DEUP1: variants seen among roughly 807,000 people sequenced by gnomAD.
DEUP1 encodes the protein deuterosome assembly protein 1.
In DEUP1, 82 loss-of-function variants were observed where a neutral mutation model predicts 87.4. That is an observed-to-expected ratio of 0.94 (90% CI 0.78 to 1.13). The LOEUF (loss-of-function observed/expected upper bound fraction) is 1.13, where lower values mean the gene tolerates loss of function less well. Among genes scored for constraint, DEUP1 ranks in the 50% most tolerant of loss-of-function variants. The pLI is 0.00. For synonymous variants in DEUP1, 214 were observed against 222.7 expected (o/e 0.96, Z 0.35); for missense variants, 663 against 681.5 (o/e 0.97, Z 0.30).
intron 11 of DEUP1, among the ~76,000 whole-genome samples, chr11:93,399,121 C>G (rs1429744822): frequency 2.0e-5 from 3 of 151,922 alleles, no homozygotes; most frequent in Non-Finnish European, 4.4e-5. Context: ...TCTACTTGAT[C>G]TCTTTGTTTA....
chr11:93,376,134 T>C (rs1217510260), intron 7 of DEUP1, among the ~76,000 whole-genome samples: 1 of 152,012 alleles, frequency 6.6e-6, no homozygotes, highest in African/African-American at 2.4e-5. Context: ...TTTTTTAGTG[T>C]ATTTTTGTGT....
chr11:93,391,814 T>C (rs2134350958), intron 9 of DEUP1, among the ~76,000 whole-genome samples: 1 of 152,100 alleles, frequency 6.6e-6, no homozygotes, highest in East Asian at 1.9e-4. Context: ...AGACTGACCG[T>C]GTTATTTCAT....
At chr11:93,338,771 T>A (rs764429516) in intron 2 of DEUP1, among the ~76,000 whole-genome samples, 5 of 152,010 alleles carry the variant, frequency 3.3e-5, no homozygotes, top group Non-Finnish European at 7.4e-5. Context: ...CAATAAACTG[T>A]CAAACAACAG....
intron 13 of DEUP1, among the ~76,000 whole-genome samples, chr11:93,417,687 G>C (rs1410137631): frequency 1.4e-5 from 2 of 145,662 alleles, no homozygotes; most frequent in Non-Finnish European, 3.0e-5. Flanking sequence ...CTACTTTAAA[G>C]TTCATATGGA....
intron 7 of DEUP1, among the ~76,000 whole-genome samples, chr11:93,372,741 G>A (rs1945805612): frequency 6.6e-6 from 1 of 152,186 alleles, no homozygotes; most frequent in Non-Finnish European, 1.5e-5. Context: ...TTAGAATACA[G>A]ATGTAAACCA....
chr11:93,389,273 A>C, intron 9 of DEUP1, 148 bp downstream of exon 9: 2 of 617,408 alleles, frequency 3.2e-6, no homozygotes, highest in Non-Finnish European at 5.7e-6. Context: ...GCTAATTCCG[A>C]CATTTTTCTG....
At chr11:93,395,162 C>T (rs185679076) in intron 10 of DEUP1, among the ~76,000 whole-genome samples, 7 of 152,220 alleles carry the variant, frequency 4.6e-5, no homozygotes, top group Admixed American at 2.6e-4. Context: ...TGAGGAAAAA[C>T]AGCAATTGTA....
chr11:93,402,329 G>A (rs566614883), intron 11 of DEUP1, among the ~76,000 whole-genome samples: 150 of 151,962 alleles, frequency 9.9e-4, no homozygotes, highest in African/African-American at 2.9e-3. Flanking sequence ...CAGTTAAAAT[G>A]ACTTTTATTT....
intron 12 of DEUP1, among the ~76,000 whole-genome samples, chr11:93,414,188 T>C (rs1175264600): frequency 6.6e-6 from 1 of 152,186 alleles, no homozygotes. Flanking sequence ...ATGTTTTAAA[T>C]TATCAAAATC....
rs1203820983 is a variant in DEUP1, at chr11:93,429,485, T to G, written c.1639-8058T>G. On this transcript the variant is annotated intron_variant, in intron 13 of 13. Transcript: ENST00000298050. ...TCCACTGTGCTAGTGTCAGATGATT[T>G]TAGGATTTTTAGGATCACAATTAGT... Among the ~76,000 whole-genome samples, 3 of 152,144 alleles carry G rather than the reference T, an allele frequency of 2.0e-5. No individual in the cohort carries two copies. The South Asian group carries it at 6.2e-4, about 32-fold the overall frequency.
chr11:93,345,903 C>T (rs112734035), intron 2 of DEUP1, among the ~76,000 whole-genome samples: 1,871 of 152,046 alleles, frequency 0.012, 39 homozygotes, highest in African/African-American at 0.043. Context: ...CTATTGCTTT[C>T]GGTGTCTTTG....
chr11:93,418,530 C>A (rs1469408202), intron 13 of DEUP1, among the ~76,000 whole-genome samples: 1 of 151,706 alleles, frequency 6.6e-6, no homozygotes, highest in Non-Finnish European at 1.5e-5. Flanking sequence ...AGTCAGGAAA[C>A]AACAGGTGCT....
intron 2 of DEUP1, among the ~76,000 whole-genome samples, chr11:93,354,546 C>T (rs371909077): frequency 1.4e-4 from 21 of 152,194 alleles, no homozygotes; most frequent in East Asian, 5.8e-4. Context: ...AGGACATACC[C>T]GAGATTGGGG....
At chr11:93,408,525 CT>C in intron 12 of DEUP1, 98 bp downstream of exon 12, 1 of 783,104 alleles carries the variant, frequency 1.3e-6, no homozygotes, top group Non-Finnish European at 2.0e-6. Flanking sequence ...GCTTTCTCTT[CT>C]GTGGTTTAAA....
chr11:93,384,928 AAATG>A (rs1175184719), intron 7 of DEUP1, among the ~76,000 whole-genome samples: 2 of 152,192 alleles, frequency 1.3e-5, no homozygotes, highest in African/African-American at 4.8e-5. Context: ...TTGTTAGAAA[AAATG>A]AATGAAGGAG....
intron 7 of DEUP1, among the ~76,000 whole-genome samples, chr11:93,383,003 C>T (rs1447476081): frequency 6.6e-6 from 1 of 152,030 alleles, no homozygotes; most frequent in South Asian, 2.1e-4. Context: ...TGAACACAGG[C>T]CTCCTGGAAA....
chr11:93,389,412 G>A (rs1346401400), intron 9 of DEUP1, among the ~76,000 whole-genome samples: 1 of 152,214 alleles, frequency 6.6e-6, no homozygotes, highest in East Asian at 1.9e-4. Context: ...TGAGAGCACA[G>A]ACTCTGGTGC....
intron 13 of DEUP1, among the ~76,000 whole-genome samples, chr11:93,434,949 A>G (rs1038698089): frequency 6.6e-6 from 1 of 152,132 alleles, no homozygotes; most frequent in Non-Finnish European, 1.5e-5. Flanking sequence ...CCAAAGCTCT[A>G]TCATGTTAGC....
chr11:93,330,457 CGCGCTCGCGCGGGGTGAGGTT>C (rs1943409355), upstream of DEUP1: 1 of 152,766 alleles, frequency 6.5e-6, no homozygotes, highest in African/African-American at 2.4e-5. Context: ...ACAGCGAGGT[CGCGCTCGCGCGGGGTGAGGTT>C]GGAGGCAGCC....
Sources: gnomAD v4.1 joint callset for allele counts (sites outside exome capture counted in the v4.1 genomes callset) on GRCh38, gnomAD v4.1.1 for gene constraint, MANE v1.5 for transcripts, NCBI Gene and HGNC (gene_info 2026-07-23, HGNC 2026-07-21) for gene names.